Variants in XPO4 observed in about 807,000 individuals in gnomAD.
The protein encoded by XPO4 is exportin 4.
Under a neutral mutation model 143.0 loss-of-function variants are expected in XPO4, and 39 were observed. The ratio of observed to expected loss-of-function variants is 0.27; its 90% confidence interval spans 0.21 to 0.36. The LOEUF (loss-of-function observed/expected upper bound fraction) is 0.36. XPO4 is among the 10% of genes least tolerant of loss of function. XPO4 has a pLI of 1.00. For missense variants in XPO4, 907 were observed against 1,348.0 expected, an observed-to-expected ratio of 0.67 and a Z score of 5.12; for synonymous variants, 439 against 474.0, an observed-to-expected ratio of 0.93 and a Z score of 0.96.
intron 1 of XPO4, among the ~76,000 whole-genome samples, chr13:20,871,791 A>G (rs1159875250): frequency 2.0e-5 from 3 of 152,220 alleles, no homozygotes; most frequent in Admixed American, 1.3e-4. Flanking sequence ...TCATATCCAC[A>G]TATACTTAAT....
intron 16 of XPO4, among the ~76,000 whole-genome samples, chr13:20,798,708 GA>G (rs2059390561): frequency 6.6e-6 from 1 of 152,050 alleles, no homozygotes; most frequent in Admixed American, 6.5e-5. Context: ...TTCATTAGGA[GA>G]AAAAATATCA....
rs548661409 is a variant in XPO4 at position 20,839,226 on chromosome 13, G to A, written c.727+3669C>T. Among the ~76,000 whole-genome samples the A allele has an allele frequency of 3.9e-5, 6 of 152,054 alleles. No homozygotes were observed. In the South Asian group the frequency reaches 6.2e-4, roughly 16 times the overall value. ...TTGCAGTGAGCCGAGATCGCGCCAC[G>A]GCACTCCACCTTGGGAAACAGAGTG... On this transcript the variant is annotated intron_variant, in intron 6 of 22. Transcript: ENST00000255305.
chr13:20,831,713 T>C (rs983909180), intron 6 of XPO4, among the ~76,000 whole-genome samples: 2 of 151,746 alleles, frequency 1.3e-5, no homozygotes, highest in Non-Finnish European at 2.9e-5. Context: ...ACCCTTTATC[T>C]TAAAAAAAAT....
intron 3 of XPO4, chr13:20,856,153 G>A (rs867050874): frequency 7.6e-5 from 17 of 224,190 alleles, no homozygotes; most frequent in African/African-American, 3.8e-4. Flanking sequence ...TATTTGTAGG[G>A]AAAAAAATCA....
chr13:20,796,924 G>C lies in XPO4; in HGVS notation c.2456C>G (p.Thr819Ser). The change falls in exon 17 of 23, where the codon ACC becomes AGC. Residue 819 changes from threonine (T) to serine (S), a missense_variant. Physicochemically the swap from Thr to Ser is moderately conservative, Grantham distance 58 (BLOSUM62 1). Transcript: ENST00000255305. ...CAGGATTGCTACGTTGTCAATCTGG[G>C]TAGCCTCAGCAATGCCACACAGGGC... ...LEALCGIAEATQIDNVAILFN... is the reference protein window; with the variant it reads ...LEALCGIAEASQIDNVAILFN... The C allele has an allele frequency of 6.2e-7, 1 of 1,614,134 alleles. No individual in the cohort carries two copies. The highest frequency in any genetic ancestry group is 8.5e-7 in the Non-Finnish European group (1 of 1,180,020).
rs2059413955 is a variant in XPO4 at position 20,800,229 on chromosome 13, C to T, written c.2074G>A (p.Val692Ile). Residue 692 changes from valine (V) to isoleucine (I), a missense_variant, in exon 15 of 23, where the codon GTC becomes ATC. Physicochemically the swap from Val to Ile is conservative, Grantham distance 29. Coordinates refer to ENST00000255305, the MANE Select transcript of XPO4 (RefSeq NM_022459.5). Reference protein sequence around the residue: ...LLQKVISNLSVWSSEQDLAND... With the variant: ...LLQKVISNLSIWSSEQDLAND... ...GCAAGGTCCTGCTCACTACTCCAGACTGAGAGGTTACTGATGACTTTTTGT... is the reference window on the plus strand; with the variant it reads ...GCAAGGTCCTGCTCACTACTCCAGATTGAGAGGTTACTGATGACTTTTTGT... The T allele has an allele frequency of 6.2e-7, 1 of 1,614,186 alleles. No homozygotes were observed. The highest frequency in any genetic ancestry group is 1.3e-5 in the African/African-American group (1 of 75,058).
intron 1 of XPO4, among the ~76,000 whole-genome samples, chr13:20,884,401 A>G (rs1038996254): frequency 2.0e-5 from 3 of 151,824 alleles, no homozygotes; most frequent in African/African-American, 7.3e-5. Context: ...AATATAATCC[A>G]ATCCGATCCG....
Position 20,813,597 on chromosome 13 carries a change from C to T in XPO4, c.1174-3630G>A, listed in dbSNP as rs539877304. On this transcript the variant is annotated intron_variant, in intron 9 of 22. Transcript: ENST00000255305. ...TCACTTTCGGAAAAATTTGACACTACTATCTTCTAAAAGTGAACATTTACA... is the reference window on the plus strand; with the variant it reads ...TCACTTTCGGAAAAATTTGACACTATTATCTTCTAAAAGTGAACATTTACA... Among the ~76,000 whole-genome samples, 26 of 152,262 alleles carry T rather than the reference C, an allele frequency of 1.7e-4. 2 individuals are homozygous for T. In the South Asian group the frequency reaches 5.0e-3, roughly 29 times the overall value.
Position 20,797,072 on chromosome 13 carries a change from C to T in XPO4, c.2323-15G>A. On this transcript the variant is annotated splice_polypyrimidine_tract_variant and intron_variant, in intron 16 of 22. Transcript: ENST00000255305. The stretch of plus-strand genomic sequence containing the variant: ...GGCTGAAGAACCTATAAAAATAAAC[C>T]AGGAATTTTCTTAAAGCTCAGTTCT... 2 of 1,552,034 alleles carry T rather than the reference C, an allele frequency of 1.3e-6. No individual in the cohort carries two copies. The highest frequency in any genetic ancestry group is 8.7e-7 in the Non-Finnish European group (1 of 1,152,618).
chr13:20,863,186 C>T, intron 2 of XPO4: 1 of 919,112 alleles, frequency 1.1e-6, no homozygotes, highest in Non-Finnish European at 1.3e-6. Context: ...AGAAAATTTC[C>T]TAAGATTCTC....
chr13:20,787,624 C>T (rs1419665390), intron 20 of XPO4, 26 bp from the exon 21 acceptor site: 1 of 1,586,774 alleles, frequency 6.3e-7, no homozygotes, highest in Non-Finnish European at 8.7e-7. Context: ...AAAGAACAAA[C>T]TAGATTGGAT....
At chr13:20,850,108 C>T (rs1027003660) in intron 4 of XPO4, 2 of 984,566 alleles carry the variant, frequency 2.0e-6, no homozygotes, top group African/African-American at 3.5e-5. Flanking sequence ...TCTGTCTCAA[C>T]AAAAACCACA....
At chr13:20,805,674 T>C (rs1351609003) in intron 13 of XPO4, among the ~76,000 whole-genome samples, 1 of 152,228 alleles carries the variant, frequency 6.6e-6, no homozygotes, top group African/African-American at 2.4e-5. Context: ...ACATTTGCTG[T>C]CTTCTAACAT....
rs1003928524 is a variant in XPO4 at position 20,781,159 on chromosome 13, G to C, written c.*2563C>G. The stretch of plus-strand genomic sequence containing the variant: ...TGTTTTAAAAAATATTTTAACAACA[G>C]TTTTAATAGAAAAAAAATCAACTGA... On this transcript the variant is annotated 3_prime_UTR_variant, in exon 23 of 23. Transcript: ENST00000255305. The C allele has an allele frequency of 6.6e-5, 10 of 152,096 alleles. No individual in the cohort carries two copies. 9.4% of individuals were successfully genotyped at this position (152,096 alleles called of 1,614,324 possible).
In XPO4 at chr13:20,835,191, C is replaced by T. The variant is rs576230018; in HGVS notation, c.727+7704G>A. Among the ~76,000 whole-genome samples the T allele has an allele frequency of 5.3e-5, 8 of 152,060 alleles. No homozygotes were observed. The South Asian group carries it at 1.7e-3, about 32-fold the overall frequency. ...GCCTCTACTTTCTTTTTAAAGGGTA[C>T]AATGCCAGGTACAAATAGACAATAG... On this transcript the variant is annotated intron_variant, in intron 6 of 22. Coordinates refer to ENST00000255305, the MANE Select transcript of XPO4 (RefSeq NM_022459.5).
At chr13:20,866,894 G>A (rs1268940009) in intron 2 of XPO4, among the ~76,000 whole-genome samples, 8 of 152,160 alleles carry the variant, frequency 5.3e-5, no homozygotes, top group African/African-American at 1.7e-4. Flanking sequence ...CCCAACTAGT[G>A]TACAATGACA....
chr13:20,887,023 T>C (rs1353523242), intron 1 of XPO4, among the ~76,000 whole-genome samples: 2 of 151,708 alleles, frequency 1.3e-5, no homozygotes, highest in Non-Finnish European at 2.9e-5. Context: ...TGAGCCAAGA[T>C]TGCACCATTG....
intron 6 of XPO4, among the ~76,000 whole-genome samples, chr13:20,835,892 G>T (rs1042092513): frequency 6.6e-6 from 1 of 152,082 alleles, no homozygotes; most frequent in Non-Finnish European, 1.5e-5. Flanking sequence ...CGAAGATGAA[G>T]ACATTTATGA....
intron 15 of XPO4, 63 bp from the exon 16 acceptor site, chr13:20,799,402 T>G: frequency 7.5e-7 from 1 of 1,331,992 alleles, no homozygotes. Flanking sequence ...CACATACACA[T>G]ATACACACAA....
Sources: allele counts gnomAD v4.1 joint callset (sites outside exome capture counted in the v4.1 genomes callset), GRCh38; gene constraint gnomAD v4.1.1; transcripts MANE v1.5; gene names NCBI Gene and HGNC (gene_info 2026-07-23, HGNC 2026-07-21).